The following FMO5 variants were observed in gnomAD, a reference collection of about 807,000 sequenced individuals.
The protein encoded by FMO5 is flavin containing dimethylaniline monoxygenase 5, also known as flavin-containing monooxygenase 5.
FMO5 carries 51 observed loss-of-function variants against 43.6 expected under a neutral mutation model. The observed-to-expected ratio is 1.17, with a 90% CI of 0.93 to 1.48. The LOEUF (loss-of-function observed/expected upper bound fraction) is 1.48, where lower values mean the gene tolerates loss of function less well. FMO5 is among the 40% of genes most tolerant of loss of function. The pLI, the probability that FMO5 is intolerant of heterozygous loss-of-function variation, is 0.00. For synonymous variants in FMO5, 187 were observed against 216.5 expected (o/e 0.86, Z 1.20); for missense variants, 644 against 643.0 (o/e 1.00, Z -0.02).
At position 147,187,048 on chromosome 1, in the gene FMO5, C is replaced by A. The variant is rs376858269; in HGVS notation, c.1454G>T (p.Arg485Leu). The A allele has an allele frequency of 1.9e-6, 3 of 1,614,122 alleles. No homozygotes were observed. The South Asian group carries it at 3.3e-5, about 18-fold the overall frequency. ...ATCATCTGTGGTGAGGATAGCTTTT[C>A]GAGCCCCATCCCACTTTCCAGGGCC... ...VQGPGKWDGA[R>L]KAILTTDDRI... The change falls in exon 9 of 9, where the codon CGA becomes CTA. Residue 485 changes from arginine (R) to leucine (L), a missense_variant. Arg to Leu is a moderately radical substitution (Grantham distance 102). Coordinates refer to ENST00000254090, the MANE Select transcript of FMO5 (RefSeq NM_001461.4).
At position 147,188,228 on chromosome 1, in the gene FMO5, A is replaced by G. The variant is rs187685251; in HGVS notation, c.1257-983T>C. Among the ~76,000 whole-genome samples, 12 of 152,292 alleles carry G rather than the reference A, an allele frequency of 7.9e-5. No individual in the cohort carries two copies. The East Asian group carries it at 2.1e-3, about 27-fold the overall frequency. ...ATCCTATAATAGTAGGTCAAGATCT[A>G]TACTATTCATGAGGTTGGGCGTGGT... is the stretch of plus-strand genomic sequence containing the variant. On this transcript the variant is annotated intron_variant, in intron 8 of 8. Transcript: ENST00000254090.
At chr1:147,213,531 TAC>T in intron 3 of FMO5, 61 bp from the exon 4 acceptor site, 1 of 1,422,150 alleles carries the variant, frequency 7.0e-7, no homozygotes, top group South Asian at 1.5e-5. Flanking sequence ...TGCATAGTGT[TAC>T]ACAAAGGGCT....
intron 7 of FMO5, among the ~76,000 whole-genome samples, chr1:147,193,140 G>A (rs1553918943): frequency 6.6e-6 from 1 of 152,016 alleles, no homozygotes; most frequent in East Asian, 1.9e-4. Context: ...ATCTGGTCCT[G>A]GACTCTTTTT....
chr1:147,195,670 TA>T (rs1274126381), intron 7 of FMO5, among the ~76,000 whole-genome samples: 2 of 152,146 alleles, frequency 1.3e-5, no homozygotes, highest in Non-Finnish European at 2.9e-5. Context: ...ATGCTAAGCT[TA>T]AACAATTAGT....
At chr1:147,190,108 G>A in intron 8 of FMO5, 69 bp downstream of exon 8, 1 of 1,077,028 alleles carries the variant, frequency 9.3e-7, no homozygotes, top group South Asian at 1.4e-5. Context: ...GTTAAATACA[G>A]TACAATATTT....
intron 8 of FMO5, among the ~76,000 whole-genome samples, chr1:147,188,522 C>CAA (rs10552833): frequency 2.4e-3 from 148 of 61,178 alleles, no homozygotes; most frequent in African/African-American, 5.8e-3. Flanking sequence ...GACCCCATAT[C>CAA]AAAAAAAAAA....
At position 147,186,787 on chromosome 1, in the gene FMO5, G is replaced by T. The variant is rs781849159; in HGVS notation, c.*113C>A. On this transcript the variant is annotated 3_prime_UTR_variant, in exon 9 of 9. Coordinates refer to ENST00000254090, the MANE Select transcript of FMO5 (RefSeq NM_001461.4). ...AAAGTGAATTAATGCTTTCGAAAGA[G>T]ACATTAAAGTAGATTTCTGGGCAAT... is the stretch of plus-strand genomic sequence containing the variant. 55 of 1,491,828 alleles carry T rather than the reference G, an allele frequency of 3.7e-5. No individual in the cohort carries two copies. Among genetic ancestry groups the T allele is most frequent in the Non-Finnish European group, 4.7e-5 (53 of 1,127,562 alleles). The allele number at this position is 1,491,828 out of a possible 1,614,324, so 92.4% of individuals were successfully genotyped here. A position where few individuals can be genotyped will look rare whatever the true frequency, so the allele number is the denominator to read the frequency against.
In FMO5 at chr1:147,209,052, C is replaced by T. The variant is rs142716484; in HGVS notation, c.631-1G>A. ...CCCCTCTCCTGGTGCTGAGGAAAACCTGGGGCATGGAAGAAATTGTTTGCT... is the reference window on the plus strand; with the variant it reads ...CCCCTCTCCTGGTGCTGAGGAAAACTTGGGGCATGGAAGAAATTGTTTGCT... On this transcript the variant is annotated splice_acceptor_variant, in intron 5 of 8. Coordinates refer to ENST00000254090, the MANE Select transcript of FMO5 (RefSeq NM_001461.4). LOFTEE classifies it high-confidence loss of function. 6.2e-7 allele frequency: 1 copy of T among 1,612,662 alleles called. No homozygotes were observed. Among genetic ancestry groups the T allele is most frequent in the Non-Finnish European group, 8.5e-7 (1 of 1,179,176 alleles).
In FMO5 at chr1:147,201,336, G is replaced by A. The variant is rs147985282; in HGVS notation, c.999C>T (p.Ser333=). The part of the protein sequence containing the change: ...IDAVIFATGY[S]FDFPFLEDSV... ...AATCTTCCAGAAATGGAAAGTCAAAGCTATAGCCTGTGGCAAAGATAACAG... is the reference window on the plus strand; with the variant it reads ...AATCTTCCAGAAATGGAAAGTCAAAACTATAGCCTGTGGCAAAGATAACAG... The change falls in exon 7 of 9, where the codon AGC becomes AGT. Residue 333 remains serine, a synonymous_variant. Coordinates refer to ENST00000254090, the MANE Select transcript of FMO5 (RefSeq NM_001461.4). 2,514 of 1,614,162 alleles carry A rather than the reference G, an allele frequency of 1.6e-3. 25 individuals carry two copies. In the African/African-American group the frequency reaches 0.017, roughly 11 times the overall value.
At position 147,208,958 on chromosome 1, in the gene FMO5, G is replaced by C; in HGVS notation, c.724C>G (p.His242Asp). ...ADVLFSSRLT[H>D]FIWKICGQSL... is the part of the protein sequence containing the mutation. ...TGGCCACAGATCTTCCATATAAAAT[G>C]TGTAAGTCGAGAAGAGAACAACACA... Residue 242 changes from histidine (H) to aspartate (D), a missense_variant, in exon 6 of 9, where the codon CAT (histidine) becomes GAT (aspartate). Coordinates refer to ENST00000254090, the MANE Select transcript of FMO5 (RefSeq NM_001461.4). 1 of 1,613,874 alleles carries C rather than the reference G, an allele frequency of 6.2e-7. No individual in the cohort carries two copies. The highest frequency in any genetic ancestry group is 8.5e-7 in the Non-Finnish European group (1 of 1,179,790).
At chr1:147,212,887 T>C (rs1323180098) in intron 4 of FMO5, among the ~76,000 whole-genome samples, 2 of 152,140 alleles carry the variant, frequency 1.3e-5, no homozygotes, top group Admixed American at 6.5e-5. Context: ...TATATTCTTA[T>C]ATACTTTAGA....
chr1:147,224,236 A>G, intron 2 of FMO5: 1 of 231,222 alleles, frequency 4.3e-6, no homozygotes, highest in South Asian at 5.5e-5. Flanking sequence ...TTACATGGAC[A>G]GATATGATGA....
At chr1:147,222,365 C>A (rs1663182535) in intron 2 of FMO5, among the ~76,000 whole-genome samples, 1 of 151,542 alleles carries the variant, frequency 6.6e-6, no homozygotes, top group Admixed American at 6.6e-5. Context: ...GAGACTCTGC[C>A]TAAAAAGAAA....
At chr1:147,219,695 T>C (rs1386951087) in intron 2 of FMO5, among the ~76,000 whole-genome samples, 2 of 151,758 alleles carry the variant, frequency 1.3e-5, no homozygotes, top group Non-Finnish European at 2.9e-5. Flanking sequence ...AGATAACTTT[T>C]TATTTGCAGA....
chr1:147,213,831 C>T (rs1661485495), intron 3 of FMO5, among the ~76,000 whole-genome samples: 1 of 152,148 alleles, frequency 6.6e-6, no homozygotes, highest in Non-Finnish European at 1.5e-5. Context: ...CTCCTGACCC[C>T]TATATGTCCT....
chr1:147,202,992 C>A (rs1241517878), intron 6 of FMO5, among the ~76,000 whole-genome samples: 2 of 152,170 alleles, frequency 1.3e-5, no homozygotes, highest in African/African-American at 4.8e-5. Flanking sequence ...CCCACTCCCA[C>A]ACCATTTTCA....
intron 6 of FMO5, among the ~76,000 whole-genome samples, chr1:147,202,558 T>G (rs1337256397): frequency 6.6e-6 from 1 of 152,054 alleles, no homozygotes; most frequent in Non-Finnish European, 1.5e-5. Context: ...GACCTCGTGA[T>G]CCTCCCACTT....
In FMO5 at chr1:147,212,494, A is replaced by G; in HGVS notation, c.529T>C (p.Tyr177His). 6.2e-7 allele frequency: 1 copy of G among 1,613,680 alleles called. No individual in the cohort carries two copies. The highest frequency in any genetic ancestry group is 1.3e-5 in the African/African-American group (1 of 75,040). Residue 177 changes from tyrosine to histidine, a missense_variant, in exon 5 of 9, where the codon TAT (tyrosine) becomes CAT (histidine). Physicochemically the swap from Tyr to His is moderately conservative, Grantham distance 83. Coordinates refer to ENST00000254090, the MANE Select transcript of FMO5 (RefSeq NM_001461.4). Reference protein sequence around the residue: ...FKGQYFHSRDYKNPEGFTGKR... With the variant: ...FKGQYFHSRDHKNPEGFTGKR... Reference sequence around the variant, plus strand: ...CCAGTGAATCCCTCTGGGTTCTTATAGTCTCGACTGTGGAAGTACTGCCCT... The same window carrying G: ...CCAGTGAATCCCTCTGGGTTCTTATGGTCTCGACTGTGGAAGTACTGCCCT...
chr1:147,196,689 G>C (rs1252053664), intron 7 of FMO5, among the ~76,000 whole-genome samples: 1 of 152,040 alleles, frequency 6.6e-6, no homozygotes, highest in Admixed American at 6.6e-5. Context: ...TGTTTTTGCA[G>C]TGTTTCCTTA....
Sources: allele counts gnomAD v4.1 joint callset (sites outside exome capture counted in the v4.1 genomes callset), GRCh38; gene constraint gnomAD v4.1.1; transcripts MANE v1.5; gene names NCBI Gene and HGNC (gene_info 2026-07-23, HGNC 2026-07-21).